ANXA7: variants seen among roughly 807,000 people sequenced by gnomAD.
ANXA7 encodes the protein annexin VII.
Under a neutral mutation model 64.9 loss-of-function variants are expected in ANXA7, and 55 were observed. That is an observed-to-expected ratio of 0.85 (90% CI 0.68 to 1.06). The LOEUF (loss-of-function observed/expected upper bound fraction) is 1.06. Among genes scored for constraint, ANXA7 ranks in the 50% least tolerant of loss-of-function variants. ANXA7 has a pLI of 0.00. For missense variants in ANXA7, 548 were observed against 582.1 expected (o/e 0.94, Z 0.60); for synonymous variants, 200 against 192.4 (o/e 1.04, Z -0.33).
intron 4 of ANXA7, 27 bp downstream of exon 4, chr10:73,397,137 G>T (rs1564529693): frequency 7.5e-7 from 1 of 1,331,670 alleles, no homozygotes. Context: ...TCATGATACT[G>T]TTTTTTTCTG....
chr10:73,390,345 C>T (rs1401239267), intron 5 of ANXA7, among the ~76,000 whole-genome samples: 1 of 152,146 alleles, frequency 6.6e-6, no homozygotes, highest in Admixed American at 6.6e-5. Flanking sequence ...GGGTCAATAG[C>T]TCCTCCCACT....
intron 1 of ANXA7, among the ~76,000 whole-genome samples, chr10:73,401,357 T>A (rs764947609): frequency 6.6e-6 from 1 of 152,168 alleles, no homozygotes; most frequent in Non-Finnish European, 1.5e-5. Flanking sequence ...ATTAGGGGTA[T>A]AAGCAAAGCT....
rs2055333797 is a variant in ANXA7, at chr10:73,384,664, G to C, written c.634-974C>G. On this transcript the variant is annotated intron_variant, in intron 7 of 12. Coordinates refer to ENST00000372921, the MANE Select transcript of ANXA7 (RefSeq NM_001156.5). ...GATACACCCGCCTTGGCCTCCCGAA[G>C]TGCTGGCATTACACACATGAACCAC... Among the ~76,000 whole-genome samples the C allele has an allele frequency of 2.0e-5, 3 of 151,960 alleles. No individual in the cohort carries two copies. The South Asian group carries it at 6.2e-4, about 31-fold the overall frequency.
intron 1 of ANXA7, among the ~76,000 whole-genome samples, chr10:73,404,937 C>A (rs893494301): frequency 6.6e-6 from 1 of 151,932 alleles, no homozygotes; most frequent in Non-Finnish European, 1.5e-5. Flanking sequence ...CATGGTGAAA[C>A]CCTGTCTCTA....
chr10:73,400,880 C>T, intron 1 of ANXA7, 23 bp from the exon 2 acceptor site: 11 of 1,572,232 alleles, frequency 7.0e-6, no homozygotes, highest in Non-Finnish European at 9.5e-6. Flanking sequence ...TAAAAAATGT[C>T]CTCTGTAAGT....
chr10:73,396,191 AC>A, intron 5 of ANXA7: 1 of 879,672 alleles, frequency 1.1e-6, no homozygotes, highest in Non-Finnish European at 1.8e-6. Flanking sequence ...AATACCAATC[AC>A]CCAGCCACCC....
chr10:73,379,166 G>C, intron 11 of ANXA7, 143 bp from the exon 12 acceptor site: 1 of 554,544 alleles, frequency 1.8e-6, no homozygotes, highest in Non-Finnish European at 3.0e-6. Context: ...AGAGTGTTCA[G>C]ATGCTCTCCT....
At chr10:73,410,479 T>C (rs1319690322) in intron 1 of ANXA7, among the ~76,000 whole-genome samples, 2 of 152,090 alleles carry the variant, frequency 1.3e-5, no homozygotes, top group Admixed American at 1.3e-4. Context: ...CAGGAATGGT[T>C]ATTCTTAAAA....
At chr10:73,385,849 A>C (rs112048661) in intron 7 of ANXA7, among the ~76,000 whole-genome samples, 1 of 152,114 alleles carries the variant, frequency 6.6e-6, no homozygotes, top group African/African-American at 2.4e-5. Flanking sequence ...CAATCAATGG[A>C]CCACTACCCC....
rs1217514163 is a variant in ANXA7 at position 73,390,725 on chromosome 10, T to TATATATATATATATAA, written c.436-2312_436-2311insTTATATATATATATAT. Among the ~76,000 whole-genome samples the TATATATATATATATAA allele has an allele frequency of 2.5e-3, 309 of 124,510 alleles. 2 individuals carry two copies. The highest frequency in any genetic ancestry group is 9.3e-3 in the African/African-American group (276 of 29,678). 81.7% of individuals were successfully genotyped at this position (124,510 alleles called of 152,430 possible). ...ATATATATATATATATATATAAAAA[T>TATATATATATATATAA]ATATATATACACACACACACATATA... On this transcript the variant is annotated intron_variant, in intron 5 of 12. Coordinates refer to ENST00000372921, the MANE Select transcript of ANXA7 (RefSeq NM_001156.5).
chr10:73,394,214 C>A lies in ANXA7; in HGVS notation c.435+2305G>T, dbSNP rs528296022. Among the ~76,000 whole-genome samples, 6 of 152,254 alleles carry A rather than the reference C, an allele frequency of 3.9e-5. No homozygotes were observed. The South Asian group carries it at 8.3e-4, about 21-fold the overall frequency. On this transcript the variant is annotated intron_variant, in intron 5 of 12. Transcript: ENST00000372921. Reference sequence around the variant, plus strand: ...ATCATTAAAAAGTCAGCAAACAACACGTGCTGGAGAGGATGTGGAGAAATA... The same window carrying A: ...ATCATTAAAAAGTCAGCAAACAACAAGTGCTGGAGAGGATGTGGAGAAATA...
intron 5 of ANXA7, among the ~76,000 whole-genome samples, chr10:73,390,165 C>T (rs146294208): frequency 1.1e-4 from 16 of 152,252 alleles, no homozygotes; most frequent in African/African-American, 3.9e-4. Flanking sequence ...AACATGCAAT[C>T]AATACCATTT....
rs562639226 is a variant in ANXA7, at chr10:73,383,230, T to C, written c.863A>G (p.Asp288Gly). 6.8e-6 allele frequency: 11 copies of C among 1,614,176 alleles called. No individual in the cohort carries two copies. The South Asian group carries it at 1.2e-4, about 18-fold the overall frequency. ...QSEFGRDLEKDIRSDTSGHFE... is the reference protein window; with the variant it reads ...QSEFGRDLEKGIRSDTSGHFE... ...ATGTCCTGATGTATCTGACCTAATG[T>C]CCTTTTCAAGGTCTCGTCCAAATTC... Residue 288 changes from aspartate to glycine, a missense_variant, in exon 9 of 13, where the codon GAC becomes GGC. Physicochemically the swap from Asp to Gly is moderately conservative, Grantham distance 94 (BLOSUM62 -1). Transcript: ENST00000372921.
chr10:73,386,043 G>A (rs566364922), intron 7 of ANXA7, among the ~76,000 whole-genome samples: 63 of 152,016 alleles, frequency 4.1e-4, no homozygotes, highest in African/African-American at 1.3e-3. Flanking sequence ...GCAAAATCCC[G>A]TCTCTACTAA....
At chr10:73,381,376 G>A (rs1407280542) in intron 9 of ANXA7, 2 of 152,136 alleles carry the variant, frequency 1.3e-5, no homozygotes, top group Non-Finnish European at 2.9e-5. Context: ...AAGAGTTTAA[G>A]CTTAATGAGC....
At chr10:73,411,317 C>T (rs943080042) in intron 1 of ANXA7, among the ~76,000 whole-genome samples, 1 of 152,018 alleles carries the variant, frequency 6.6e-6, no homozygotes, top group Non-Finnish European at 1.5e-5. Context: ...TGAAAGGGGG[C>T]TAGGAATCAA....
chr10:73,387,624 A>C (rs2055396455), intron 7 of ANXA7, 65 bp downstream of exon 7: 1 of 1,257,424 alleles, frequency 8.0e-7, no homozygotes, highest in Admixed American at 1.7e-5. Context: ...TATAGTATCC[A>C]ATCTGACATG....
chr10:73,405,156 C>T (rs12268413), intron 1 of ANXA7, among the ~76,000 whole-genome samples: 22,688 of 150,896 alleles, frequency 0.15, 2,761 homozygotes, highest in African/African-American at 0.32. Flanking sequence ...GGCAGGAGAA[C>T]CCCTTGAACC....
chr10:73,404,721 T>C (rs185960798), intron 1 of ANXA7, among the ~76,000 whole-genome samples: 1 of 151,846 alleles, frequency 6.6e-6, no homozygotes, highest in East Asian at 1.9e-4. Flanking sequence ...TATATATATA[T>C]ATATATATCT....
Sources: allele counts gnomAD v4.1 joint callset (sites outside exome capture counted in the v4.1 genomes callset), GRCh38; gene constraint gnomAD v4.1.1; transcripts MANE v1.5; gene names NCBI Gene and HGNC (gene_info 2026-07-23, HGNC 2026-07-21).